Variants in SAMD12 observed in about 807,000 individuals in gnomAD.
The protein encoded by SAMD12 is sterile alpha motif domain containing 12.
A neutral mutation model predicts 15.0 loss-of-function variants in SAMD12; 9 were observed. That is an observed-to-expected ratio of 0.60 (90% CI 0.36 to 1.05). SAMD12 has a LOEUF of 1.05. SAMD12 is among the 50% of genes least tolerant of loss of function. The probability of loss-of-function intolerance (pLI) is 0.01; values close to 1 mark genes in which losing one functional copy is unlikely to be tolerated. For missense variants in SAMD12, 230 were observed against 234.2 expected (o/e 0.98, Z 0.12); for synonymous variants, 86 against 90.1 (o/e 0.96, Z 0.25).
chr8:118,358,767 C>T (rs1385201274), intron 4 of SAMD12, among the ~76,000 whole-genome samples: 3 of 152,076 alleles, frequency 2.0e-5, no homozygotes, highest in African/African-American at 7.2e-5. Flanking sequence ...TAGGAGCACA[C>T]TGAACTTAGA....
chr8:118,547,125 C>T (rs1461262492), intron 2 of SAMD12, among the ~76,000 whole-genome samples: 1 of 152,138 alleles, frequency 6.6e-6, no homozygotes, highest in Non-Finnish European at 1.5e-5. Context: ...AGAATCTAAC[C>T]TGTGAATACT....
rs1387339790 is a variant in SAMD12, at chr8:118,616,951, G to A, written c.13+4853C>T. Among the ~76,000 whole-genome samples the A allele has an allele frequency of 3.9e-5, 6 of 152,158 alleles. No homozygotes were observed. In the East Asian group the frequency reaches 1.2e-3, roughly 29 times the overall value. On this transcript the variant is annotated intron_variant, in intron 1 of 3. Transcript: ENST00000314727. Reference sequence around the variant, plus strand: ...GAGAATCTAATGCCTGATGATCTGAGGTGGAACAGTTTCATCCCAAAACCA... The same window carrying A: ...GAGAATCTAATGCCTGATGATCTGAAGTGGAACAGTTTCATCCCAAAACCA...
chr8:118,561,227 A>G (rs1370082131), intron 2 of SAMD12, among the ~76,000 whole-genome samples: 1 of 152,228 alleles, frequency 6.6e-6, no homozygotes, highest in Non-Finnish European at 1.5e-5. Context: ...ACAAAAATTG[A>G]AACTTTTGAT....
intron 4 of SAMD12, among the ~76,000 whole-genome samples, chr8:118,249,255 T>C (rs1484558726): frequency 6.6e-6 from 1 of 152,132 alleles, no homozygotes; most frequent in African/African-American, 2.4e-5. Flanking sequence ...TTTCTTACAC[T>C]AAAAAGTACT....
intron 2 of SAMD12, among the ~76,000 whole-genome samples, chr8:118,564,210 C>T (rs529738061): frequency 2.0e-5 from 3 of 151,746 alleles, no homozygotes; most frequent in Non-Finnish European, 2.9e-5. Context: ...GCCACCTGCC[C>T]GCCGACTCCT....
intron 3 of SAMD12, chr8:118,400,579 TAC>T (rs1820822280): frequency 6.6e-6 from 1 of 152,250 alleles, no homozygotes. Flanking sequence ...ACAATAAAGT[TAC>T]AGAGAATTGT....
rs375214062 is a variant in SAMD12 at position 118,474,070 on chromosome 8, T to C, written c.193-34109A>G. 7.9e-5 allele frequency among the ~76,000 whole-genome samples: 12 copies of C among 152,310 alleles called. No individual in the cohort carries two copies. In the East Asian group the frequency reaches 1.9e-3, roughly 25 times the overall value. ...GCCTCCTGGGTTCAAGTGATTCTCC[T>C]GTCTCAGTCTCCTGAGTAGCTGGGA... On this transcript the variant is annotated intron_variant, in intron 2 of 3. Coordinates refer to ENST00000314727, the MANE Select transcript of SAMD12 (RefSeq NM_207506.3).
chr8:118,172,125 G>A, the SAMD12 span, among the ~76,000 whole-genome samples: 2 of 152,070 alleles, frequency 1.3e-5, no homozygotes, highest in African/African-American at 2.4e-5. Flanking sequence ...GGAGTGGGGA[G>A]GGATAGCATT....
chr8:118,132,387 G>C, the SAMD12 span, among the ~76,000 whole-genome samples: 41 of 152,290 alleles, frequency 2.7e-4, no homozygotes, highest in African/African-American at 9.9e-4. Flanking sequence ...CACAACCCCA[G>C]AGTGTTCTTT....
intron 4 of SAMD12, among the ~76,000 whole-genome samples, chr8:118,200,063 C>A (rs1819669725): frequency 1.3e-5 from 2 of 152,118 alleles, no homozygotes; most frequent in African/African-American, 4.8e-5. Context: ...GGTTTTATAA[C>A]AAGTTTCCCC....
intron 4 of SAMD12, chr8:118,284,934 T>G (rs1586428288): frequency 9.7e-6 from 1 of 102,796 alleles, no homozygotes; most frequent in South Asian, 3.3e-4. Context: ...ACAGCAAGAC[T>G]CCGTCTCAAA....
At chr8:118,230,053 G>C (rs1563706113) in intron 4 of SAMD12, among the ~76,000 whole-genome samples, 1 of 152,048 alleles carries the variant, frequency 6.6e-6, no homozygotes, top group Non-Finnish European at 1.5e-5. Flanking sequence ...GGTATTTTGT[G>C]ATGGTTGCCT....
chr8:118,473,942 C>T (rs1353372859), intron 2 of SAMD12, among the ~76,000 whole-genome samples: 1 of 152,108 alleles, frequency 6.6e-6, no homozygotes, highest in Non-Finnish European at 1.5e-5. Flanking sequence ...GTATTACTAG[C>T]CACTTGATAG....
rs1181615943 is a variant in SAMD12, at chr8:118,417,459, G to T, written c.322+22373C>A. On this transcript the variant is annotated intron_variant, in intron 3 of 3. Transcript: ENST00000314727. ...TGTTTCCATTCTAGTAGATAGAGCTGGCCATCTAGTAATAGCTCAGCAAAT... is the reference window on the plus strand; with the variant it reads ...TGTTTCCATTCTAGTAGATAGAGCTTGCCATCTAGTAATAGCTCAGCAAAT... Among the ~76,000 whole-genome samples the T allele has an allele frequency of 5.3e-5, 8 of 151,954 alleles. No individual in the cohort carries two copies. The East Asian group carries it at 1.5e-3, about 29-fold the overall frequency.
intron 3 of SAMD12, among the ~76,000 whole-genome samples, chr8:118,391,586 C>G (rs1027314749): frequency 1.3e-5 from 2 of 152,136 alleles, no homozygotes; most frequent in Non-Finnish European, 2.9e-5. Context: ...CATGCTGGTT[C>G]CTACATGTGA....
At chr8:118,539,907 G>A (rs73319310) in intron 2 of SAMD12, among the ~76,000 whole-genome samples, 7,387 of 151,990 alleles carry the variant, frequency 0.049, 574 homozygotes, top group African/African-American at 0.16. Flanking sequence ...GGTTTCTAAT[G>A]ACTTTCTGGT....
At chr8:118,353,533 AC>A (rs1051922670) in intron 4 of SAMD12, among the ~76,000 whole-genome samples, 2 of 152,082 alleles carry the variant, frequency 1.3e-5, no homozygotes, top group Non-Finnish European at 2.9e-5. Context: ...CTCACCAAGC[AC>A]CAGATCTGCA....
intron 4 of SAMD12, chr8:118,282,233 T>C (rs966477725): frequency 8.8e-6 from 4 of 455,222 alleles, no homozygotes; most frequent in African/African-American, 4.0e-5. Flanking sequence ...AGCTATACCA[T>C]ATATCTAAGG....
At chr8:118,202,754 G>A (rs1819750235) in intron 4 of SAMD12, among the ~76,000 whole-genome samples, 1 of 152,136 alleles carries the variant, frequency 6.6e-6, no homozygotes, top group South Asian at 2.1e-4. Context: ...ACCTGAAAGT[G>A]TCTTTCGTGT....
Sources: allele counts gnomAD v4.1 joint callset (sites outside exome capture counted in the v4.1 genomes callset), GRCh38; gene constraint gnomAD v4.1.1; transcripts MANE v1.5; gene names NCBI Gene and HGNC (gene_info 2026-07-23, HGNC 2026-07-21).